ADK: variants seen among roughly 807,000 people sequenced by gnomAD.
ADK encodes adenosine kinase.
A neutral mutation model predicts 44.7 loss-of-function variants in ADK; 24 were observed. The observed-to-expected ratio is 0.54, with a 90% CI of 0.39 to 0.76. The LOEUF (loss-of-function observed/expected upper bound fraction) is 0.76, where lower values mean the gene tolerates loss of function less well. Among genes scored for constraint, ADK ranks in the 30% least tolerant of loss-of-function variants. ADK has a pLI of 0.00. For synonymous variants in ADK, 128 were observed against 142.6 expected (o/e 0.90, Z 0.73); for missense variants, 321 against 425.1 (o/e 0.76, Z 2.15).
intron 9 of ADK, among the ~76,000 whole-genome samples, chr10:74,622,288 C>T (rs182961069): frequency 6.6e-5 from 10 of 152,238 alleles, no homozygotes; most frequent in Middle Eastern, 3.4e-3. Flanking sequence ...GCCTCTTACC[C>T]GACACAGGAA....
At chr10:74,317,443 A>G (rs530286539) in intron 4 of ADK, among the ~76,000 whole-genome samples, 1 of 152,110 alleles carries the variant, frequency 6.6e-6, no homozygotes, top group Non-Finnish European at 1.5e-5. Context: ...GAAATGGAAA[A>G]ACGTTGGCAT....
intron 1 of ADK, among the ~76,000 whole-genome samples, chr10:74,168,975 C>T (rs1003977829): frequency 2.0e-5 from 3 of 152,070 alleles, no homozygotes; most frequent in African/African-American, 4.8e-5. Flanking sequence ...CCTGTAATCC[C>T]AGCACTTTGG....
chr10:74,604,289 C>A (rs1852240346), intron 9 of ADK, among the ~76,000 whole-genome samples: 1 of 152,096 alleles, frequency 6.6e-6, no homozygotes, highest in African/African-American at 2.4e-5. Context: ...CTTTTGTTCC[C>A]ATTACTTTTG....
chr10:74,263,570 T>G (rs1313982843), intron 3 of ADK, among the ~76,000 whole-genome samples: 1 of 152,224 alleles, frequency 6.6e-6, no homozygotes, highest in African/African-American at 2.4e-5. Flanking sequence ...ACCCAAATGG[T>G]AAAAGGGGAA....
At chr10:74,622,558 A>G (rs1853031840) in intron 9 of ADK, among the ~76,000 whole-genome samples, 1 of 152,246 alleles carries the variant, frequency 6.6e-6, no homozygotes, top group African/African-American at 2.4e-5. Context: ...AAAAATACAT[A>G]GCCCGAGAAA....
At chr10:74,528,626 A>G (rs1849159218) in intron 7 of ADK, among the ~76,000 whole-genome samples, 1 of 152,222 alleles carries the variant, frequency 6.6e-6, no homozygotes, top group African/African-American at 2.4e-5. Context: ...CATATATCTG[A>G]TAAAGGATTC....
chr10:74,633,111 T>A (rs928654387), intron 9 of ADK, among the ~76,000 whole-genome samples: 1 of 152,138 alleles, frequency 6.6e-6, no homozygotes, highest in Non-Finnish European at 1.5e-5. Context: ...ATTGGGGATG[T>A]TTTCTTCTAT....
At chr10:74,447,677 CCTAT>C (rs1592227417) in intron 6 of ADK, among the ~76,000 whole-genome samples, 2 of 152,094 alleles carry the variant, frequency 1.3e-5, no homozygotes, top group African/African-American at 4.8e-5. Flanking sequence ...TTGTCAATTT[CCTAT>C]CTTAGTTTTC....
chr10:74,421,997 G>A (rs1844571654), intron 6 of ADK, among the ~76,000 whole-genome samples: 1 of 152,116 alleles, frequency 6.6e-6, no homozygotes, highest in Non-Finnish European at 1.5e-5. Context: ...CCTCCAGAAG[G>A]GGGATCCTAC....
intron 6 of ADK, among the ~76,000 whole-genome samples, chr10:74,512,562 C>G (rs1294471306): frequency 6.6e-6 from 1 of 151,722 alleles, no homozygotes; most frequent in Non-Finnish European, 1.5e-5. Flanking sequence ...AATTTGTTGG[C>G]ATATAGTTGT....
At chr10:74,526,604 C>T (rs528400334) in intron 7 of ADK, among the ~76,000 whole-genome samples, 24 of 152,022 alleles carry the variant, frequency 1.6e-4, no homozygotes, top group Non-Finnish European at 3.1e-4. Flanking sequence ...AAAAATTGAC[C>T]TGGAAGTTTA....
chr10:74,299,520 A>ATC lies in ADK; in HGVS notation c.195-15146_195-15145insCT, dbSNP rs1457658797. 4.8e-5 allele frequency among the ~76,000 whole-genome samples: 7 copies of ATC among 145,294 alleles called. No individual in the cohort carries two copies. In the Admixed American group the frequency reaches 4.8e-4, roughly 10 times the overall value. ...GTCTCAAAAAAAAAAAAAGAAATATATATATATATATAAAATATATTAAAA... is the reference window on the plus strand; with the variant it reads ...GTCTCAAAAAAAAAAAAAGAAATATATCTATATATATATAAAATATATTAAAA... On this transcript the variant is annotated intron_variant, in intron 3 of 10. Coordinates refer to ENST00000539909, the MANE Select transcript of ADK (RefSeq NM_006721.4).
At chr10:74,541,983 G>A (rs1230934578) in intron 7 of ADK, among the ~76,000 whole-genome samples, 1 of 151,894 alleles carries the variant, frequency 6.6e-6, no homozygotes, top group African/African-American at 2.4e-5. Flanking sequence ...GCTTACGCCT[G>A]TAATCCCAGC....
intron 3 of ADK, among the ~76,000 whole-genome samples, chr10:74,278,637 T>C (rs981309187): frequency 6.6e-5 from 10 of 152,192 alleles, no homozygotes; most frequent in African/African-American, 2.4e-4. Flanking sequence ...ATTTGACCAA[T>C]ATGTCCTTTT....
intron 4 of ADK, among the ~76,000 whole-genome samples, chr10:74,338,047 A>C (rs1223685549): frequency 6.6e-6 from 1 of 152,100 alleles, no homozygotes; most frequent in Non-Finnish European, 1.5e-5. Flanking sequence ...AAGTGCTGGG[A>C]TTACAGGCAT....
intron 7 of ADK, among the ~76,000 whole-genome samples, chr10:74,567,066 A>G (rs766476712): frequency 3.3e-5 from 5 of 152,214 alleles, no homozygotes; most frequent in Non-Finnish European, 7.3e-5. Flanking sequence ...GCCCAAAGTC[A>G]CACTAGGGGT....
intron 3 of ADK, among the ~76,000 whole-genome samples, chr10:74,248,342 A>G (rs187055291): frequency 9.1e-4 from 138 of 152,110 alleles, no homozygotes; most frequent in Non-Finnish European, 1.5e-3. Flanking sequence ...TGGAGGGTTA[A>G]TTGGGTTACA....
chr10:74,323,672 A>G (rs11000992), intron 4 of ADK, among the ~76,000 whole-genome samples: 98,266 of 150,556 alleles, frequency 0.65, 33,197 homozygotes, highest in Middle Eastern at 0.81. Flanking sequence ...CCGGGGTCAC[A>G]CCATTCTCCT....
In ADK at chr10:74,589,170, G is replaced by T. The variant is rs761830638; in HGVS notation, c.727-112G>T. On this transcript the variant is annotated intron_variant, in intron 7 of 10. Coordinates refer to ENST00000539909, the MANE Select transcript of ADK (RefSeq NM_006721.4). ...TAAGAATAAAAATTGAACTATGTGGGTATATTGAGATAATTGTGTAAAGAA... is the reference window on the plus strand; with the variant it reads ...TAAGAATAAAAATTGAACTATGTGGTTATATTGAGATAATTGTGTAAAGAA... The T allele has an allele frequency of 9.1e-6, 8 of 879,408 alleles. No homozygotes were observed. In the South Asian group the frequency reaches 1.2e-4, roughly 13 times the overall value. 54.5% of individuals were successfully genotyped at this position (879,408 alleles called of 1,614,324 possible). A position where few individuals can be genotyped will look rare whatever the true frequency, so the allele number is the denominator to read the frequency against.
Sources: gnomAD v4.1 joint callset for allele counts (sites outside exome capture counted in the v4.1 genomes callset) on GRCh38, gnomAD v4.1.1 for gene constraint, MANE v1.5 for transcripts, NCBI Gene and HGNC (gene_info 2026-07-23, HGNC 2026-07-21) for gene names.